Variants in SH3GL3 observed in about 807,000 individuals in gnomAD.
SH3GL3 encodes endophilin-A3.
SH3GL3 carries 33 observed loss-of-function variants against 47.7 expected under a neutral mutation model. That is an observed-to-expected ratio of 0.69 (90% CI 0.52 to 0.92). The LOEUF is 0.92. Among genes scored for constraint, SH3GL3 ranks in the 40% least tolerant of loss-of-function variants. SH3GL3 has a pLI of 0.00. For synonymous variants in SH3GL3, 155 were observed against 148.8 expected, an observed-to-expected ratio of 1.04 and a Z score of -0.30; for missense variants, 363 against 417.8, an observed-to-expected ratio of 0.87 and a Z score of 1.14.
At chr15:83,491,225 C>T (rs1011997358) in intron 1 of SH3GL3, among the ~76,000 whole-genome samples, 10 of 152,176 alleles carry the variant, frequency 6.6e-5, no homozygotes, top group Non-Finnish European at 1.3e-4. Flanking sequence ...GTGCGGACTC[C>T]ATTCTGCAAA....
the SH3GL3 span, among the ~76,000 whole-genome samples, chr15:83,632,591 G>C: frequency 1.3e-5 from 2 of 152,186 alleles, no homozygotes; most frequent in South Asian, 4.1e-4. Flanking sequence ...TGGTGGAAGG[G>C]GAAGCAAACA....
intron 1 of SH3GL3, among the ~76,000 whole-genome samples, chr15:83,521,691 C>A (rs1453638795): frequency 6.6e-6 from 1 of 152,120 alleles, no homozygotes; most frequent in Non-Finnish European, 1.5e-5. Context: ...AGGCAAATAA[C>A]CAGCACAGAG....
chr15:83,587,736 G>A (rs939560515), intron 7 of SH3GL3, among the ~76,000 whole-genome samples: 2 of 152,136 alleles, frequency 1.3e-5, no homozygotes, highest in Non-Finnish European at 2.9e-5. Flanking sequence ...AATCATAGAT[G>A]TAGTCTATAC....
At chr15:83,529,153 T>C (rs1177759407) in intron 1 of SH3GL3, among the ~76,000 whole-genome samples, 1 of 152,182 alleles carries the variant, frequency 6.6e-6, no homozygotes, top group East Asian at 1.9e-4. Context: ...TGGGGATGCC[T>C]TTGCTGGCCC....
At chr15:83,621,092 A>G (rs2554394), downstream of SH3GL3, among the ~76,000 whole-genome samples, 113,036 of 152,130 alleles carry the variant, frequency 0.74, 42,824 homozygotes, top group African/African-American at 0.89. Context: ...CAGGTAATGC[A>G]GCTGGTTGAT....
chr15:83,541,310 C>CAATTTTTT (rs1567318555), intron 1 of SH3GL3, among the ~76,000 whole-genome samples: 5 of 47,748 alleles, frequency 1.0e-4, no homozygotes, highest in African/African-American at 3.3e-4. Flanking sequence ...TATGGTAATT[C>CAATTTTTT]TATTTTTTTT....
chr15:83,572,105 TGAGAA>T (rs2045847982), intron 4 of SH3GL3, among the ~76,000 whole-genome samples: 3 of 152,214 alleles, frequency 2.0e-5, no homozygotes, highest in African/African-American at 7.2e-5. Context: ...GGAGTAGCCT[TGAGAA>T]GATCCCACGG....
intron 1 of SH3GL3, among the ~76,000 whole-genome samples, chr15:83,477,781 T>C (rs1004641752): frequency 1.3e-5 from 2 of 152,190 alleles, no homozygotes; most frequent in Non-Finnish European, 1.5e-5. Context: ...TCTTTGGGAA[T>C]GTAAATCAGC....
chr15:83,574,739 C>T lies in SH3GL3; in HGVS notation c.466-1844C>T, dbSNP rs149732613. On this transcript the variant is annotated intron_variant, in intron 5 of 8. Transcript: ENST00000427482. ...CACCCCTTCCCCACATGAACTCTGC[C>T]CAGCCTCACTGAATTATTTCCAGCT... Among the ~76,000 whole-genome samples the T allele has an allele frequency of 1.7e-3, 265 of 152,302 alleles. 4 individuals carry two copies. The highest frequency in any genetic ancestry group is 1.5e-3 in the Non-Finnish European group (101 of 68,034).
chr15:83,455,974 C>T (rs1422411867), intron 1 of SH3GL3, among the ~76,000 whole-genome samples: 1 of 40,316 alleles, frequency 2.5e-5, no homozygotes, highest in Non-Finnish European at 4.9e-5. Flanking sequence ...TGGTGATGTA[C>T]AGATGGGTTT....
At chr15:83,620,379 C>T (rs932486280), downstream of SH3GL3, among the ~76,000 whole-genome samples, 1 of 152,176 alleles carries the variant, frequency 6.6e-6, no homozygotes, top group Admixed American at 6.5e-5. Flanking sequence ...GTTATGGTAG[C>T]TGTAGCCTTA....
chr15:83,512,889 C>T (rs1219012933), intron 1 of SH3GL3, among the ~76,000 whole-genome samples: 1 of 152,134 alleles, frequency 6.6e-6, no homozygotes, highest in East Asian at 1.9e-4. Context: ...CAATATTGTT[C>T]CTGCTTCCCA....
chr15:83,522,323 A>G (rs1277406603), intron 1 of SH3GL3, among the ~76,000 whole-genome samples: 1 of 152,184 alleles, frequency 6.6e-6, no homozygotes, highest in Non-Finnish European at 1.5e-5. Flanking sequence ...TGAAACTTTC[A>G]TCTTTGGTAT....
At chr15:83,460,822 C>A (rs570947644) in intron 1 of SH3GL3, among the ~76,000 whole-genome samples, 1 of 152,244 alleles carries the variant, frequency 6.6e-6, no homozygotes, top group South Asian at 2.1e-4. Context: ...CGGTGGCTTA[C>A]ACCTGTAATC....
chr15:83,624,185 T>A, the SH3GL3 span, among the ~76,000 whole-genome samples: 1 of 152,180 alleles, frequency 6.6e-6, no homozygotes, highest in African/African-American at 2.4e-5. Flanking sequence ...CTTTGCACCC[T>A]CTTCTTCAAT....
intron 5 of SH3GL3, among the ~76,000 whole-genome samples, chr15:83,574,101 G>A (rs1019507391): frequency 1.3e-5 from 2 of 152,172 alleles, no homozygotes; most frequent in Admixed American, 6.5e-5. Context: ...GCAGGCTCGG[G>A]GACCTCGGTT....
At chr15:83,540,754 C>T (rs1204088788) in intron 1 of SH3GL3, among the ~76,000 whole-genome samples, 1 of 152,016 alleles carries the variant, frequency 6.6e-6, no homozygotes, top group African/African-American at 2.4e-5. Context: ...TGGGGTATTC[C>T]TCACCTCAAG....
chr15:83,537,878 C>T (rs2043984336), intron 1 of SH3GL3, among the ~76,000 whole-genome samples: 1 of 151,940 alleles, frequency 6.6e-6, no homozygotes, highest in South Asian at 2.1e-4. Context: ...TATGGATATG[C>T]CTCTCTCTCT....
At chr15:83,582,434 G>A (rs1443176534) in intron 6 of SH3GL3, among the ~76,000 whole-genome samples, 4 of 152,100 alleles carry the variant, frequency 2.6e-5, no homozygotes, top group African/African-American at 7.2e-5. Flanking sequence ...TCCATGGGAT[G>A]TTAGTGTGTT....
Sources: gnomAD v4.1 joint callset for allele counts (sites outside exome capture counted in the v4.1 genomes callset) on GRCh38, gnomAD v4.1.1 for gene constraint, MANE v1.5 for transcripts, NCBI Gene and HGNC (gene_info 2026-07-23, HGNC 2026-07-21) for gene names.